The following ZIM3 variants were observed in gnomAD, a reference collection of about 807,000 sequenced individuals.
The protein encoded by ZIM3 is zinc finger imprinted 3.
In ZIM3, 11 loss-of-function variants were observed where a neutral mutation model predicts 12.9. The ratio of observed to expected loss-of-function variants is 0.85; its 90% CI spans 0.54 to 1.41. The LOEUF (loss-of-function observed/expected upper bound fraction) is 1.41. ZIM3 is among the 40% of genes most tolerant of loss of function. The pLI is 0.00. For missense variants in ZIM3, 604 were observed against 557.2 expected (o/e 1.08, Z -0.85); for synonymous variants, 205 against 198.5 (o/e 1.03, Z -0.28).
intron 3 of ZIM3, 119 bp from the exon 4 acceptor site, chr19:57,137,090 G>A (rs2086890567): frequency 4.3e-6 from 4 of 922,442 alleles, no homozygotes; most frequent in Non-Finnish European, 7.0e-6. Flanking sequence ...GTGAGTGTGA[G>A]CATTTATATG....
chr19:57,136,791 G>T (rs1463169005), intron 4 of ZIM3, 82 bp downstream of exon 4: 1 of 1,174,110 alleles, frequency 8.5e-7, no homozygotes, highest in Non-Finnish European at 1.3e-6. Context: ...GTCACAGCTG[G>T]CTGCCAAACG....
Position 57,134,978 on chromosome 19 carries a change from A to G in ZIM3, c.1359T>C (p.Gly453=). 1 of 1,614,124 alleles carries G rather than the reference A, an allele frequency of 6.2e-7. No individual in the cohort carries two copies. The highest frequency in any genetic ancestry group is 8.5e-7 in the Non-Finnish European group (1 of 1,180,022). Residue 453 remains glycine, a synonymous_variant, in exon 5 of 5, where the codon GGT becomes GGC. Transcript: ENST00000269834. ...GGTATGACCTGTCAGCGAAGGCTTT[A>G]CCGCATTCAGAACATCCATAAGGTT... is the stretch of plus-strand genomic sequence containing the variant. ...GQKPYGCSEC[G]KAFADRSYLV...
chr19:57,144,211 C>A (rs1367149808), intron 1 of ZIM3, among the ~76,000 whole-genome samples: 1 of 151,964 alleles, frequency 6.6e-6, no homozygotes, highest in Non-Finnish European at 1.5e-5. Context: ...GCTACCACAT[C>A]AGCTAACTTT....
Position 57,134,743 on chromosome 19 carries a change from T to C in ZIM3, c.*175A>G. ...AAGGCATCTAATAAATATTTATACT[T>C]AATAAACATTTGCTGAGTGAGTATG... On this transcript the variant is annotated 3_prime_UTR_variant, in exon 5 of 5. Coordinates refer to ENST00000269834, the MANE Select transcript of ZIM3 (RefSeq NM_052882.1). 6.5e-6 allele frequency: 4 copies of C among 619,336 alleles called. No homozygotes were observed. The South Asian group carries it at 9.2e-5, about 14-fold the overall frequency. The allele number at this position is 619,336 out of a possible 1,614,324, so 38.4% of individuals were successfully genotyped here. A position where few individuals can be genotyped will look rare whatever the true frequency, so the allele number is the denominator to read the frequency against.
chr19:57,139,346 GAAAAAGAAAA>G (rs2086903617), intron 2 of ZIM3, among the ~76,000 whole-genome samples: 1 of 151,168 alleles, frequency 6.6e-6, no homozygotes, highest in Non-Finnish European at 1.5e-5. Context: ...AAAAGAAAAA[GAAAAAGAAAA>G]GAAAAGAAAA....
rs752399473 is a variant in ZIM3, at chr19:57,145,080, G to A, written c.-264C>T. 1.3e-5 allele frequency: 2 copies of A among 152,060 alleles called. No individual in the cohort carries two copies. Among genetic ancestry groups the A allele is most frequent in the Non-Finnish European group, 2.9e-5 (2 of 68,014 alleles). The allele number at this position is 152,060 out of a possible 1,614,324, so 9.4% of individuals were successfully genotyped here. On this transcript the variant is annotated 5_prime_UTR_variant, in exon 1 of 5. Transcript: ENST00000269834. ...TCAAAAGCCCCACCTGATCCTATCAGGCCACATCAAAATTTCAATTCCCAA... is the reference window on the plus strand; with the variant it reads ...TCAAAAGCCCCACCTGATCCTATCAAGCCACATCAAAATTTCAATTCCCAA...
rs147439762 is a variant in ZIM3, at chr19:57,138,556, C to T, written c.58G>A (p.Gly20Arg). The change falls in exon 3 of 5, where the codon GGG becomes AGG. Residue 20 changes from glycine to arginine, a missense_variant. Coordinates refer to ENST00000269834, the MANE Select transcript of ZIM3 (RefSeq NM_052882.1). The stretch of plus-strand genomic sequence containing the variant: ...TCGGGATTCAGCCGCTGCCACTCCC[C>T]CTGGGTGAAGTTCACAGTGACATCC... Reference protein sequence around the residue: ...FEDVTVNFTQGEWQRLNPEQR... With the variant: ...FEDVTVNFTQREWQRLNPEQR... 2 of 1,614,156 alleles carry T rather than the reference C, an allele frequency of 1.2e-6. No individual in the cohort carries two copies. Among genetic ancestry groups the T allele is most frequent in the African/African-American group, 2.7e-5 (2 of 75,050 alleles).
rs2086877586 is a variant in ZIM3, at chr19:57,134,851, A to G, written c.*67T>C. 2.7e-6 allele frequency: 4 copies of G among 1,488,892 alleles called. No individual in the cohort carries two copies. Among genetic ancestry groups the G allele is most frequent in the Non-Finnish European group, 1.8e-6 (2 of 1,105,324 alleles). 92.2% of individuals were successfully genotyped at this position (1,488,892 alleles called of 1,614,324 possible). ...CCTCCAAATTAGAGGCCATTTCAACATGGAATTCTGGGGTGACAATTCCAG... is the reference window on the plus strand; with the variant it reads ...CCTCCAAATTAGAGGCCATTTCAACGTGGAATTCTGGGGTGACAATTCCAG... On this transcript the variant is annotated 3_prime_UTR_variant, in exon 5 of 5. Transcript: ENST00000269834.
In ZIM3 at chr19:57,136,028, T is replaced by G; in HGVS notation, c.309A>C (p.Glu103Asp). 6.2e-7 allele frequency: 1 copy of G among 1,614,202 alleles called. No homozygotes were observed. The highest frequency in any genetic ancestry group is 2.2e-5 in the East Asian group (1 of 44,870). ...GCGTTTCCTTATTGATTGATGGGACTTCTCTTGCGAGACTCTCTTTCACAT... is the reference window on the plus strand; with the variant it reads ...GCGTTTCCTTATTGATTGATGGGACGTCTCTTGCGAGACTCTCTTTCACAT... ...PKDVKESLAR[E>D]VPSINKETLT... Residue 103 changes from glutamate (E) to aspartate (D), a missense_variant, in exon 5 of 5, where the codon GAA (glutamate) becomes GAC (aspartate). Coordinates refer to ENST00000269834, the MANE Select transcript of ZIM3 (RefSeq NM_052882.1).
rs539676216 is a variant in ZIM3, at chr19:57,134,630, A to G, written c.*288T>C. ...TTTAAAGATATGGATACCACTGGTC[A>G]TTATTCACTGGAATAAAACTCCATC... On this transcript the variant is annotated 3_prime_UTR_variant, in exon 5 of 5. Transcript: ENST00000269834. 2.0e-5 allele frequency: 7 copies of G among 345,116 alleles called. No individual in the cohort carries two copies. The highest frequency in any genetic ancestry group is 3.7e-5 in the Non-Finnish European group (7 of 190,172). 21.4% of individuals were successfully genotyped at this position (345,116 alleles called of 1,614,324 possible).
In ZIM3 at chr19:57,138,054, A is replaced by AAAGAAGGAAGGAAGGAAG. The variant is rs2086897191; in HGVS notation, c.142+417_142+418insCTTCCTTCCTTCCTTCTT. Among the ~76,000 whole-genome samples, 7 of 45,766 alleles carry AAAGAAGGAAGGAAGGAAG rather than the reference A, an allele frequency of 1.5e-4. 1 individual carries two copies. The highest frequency in any genetic ancestry group is 8.9e-4 in the African/African-American group (6 of 6,718). The allele number at this position is 45,766 out of a possible 152,430, so 30.0% of individuals were successfully genotyped here. ...AGGAAAGAAGGAAGGAAGGAAGGAA[A>AAAGAAGGAAGGAAGGAAG]GAAGGAAGGAAGGAAGGAAGGAAAG... is the stretch of plus-strand genomic sequence containing the variant. On this transcript the variant is annotated intron_variant, in intron 3 of 4. Coordinates refer to ENST00000269834, the MANE Select transcript of ZIM3 (RefSeq NM_052882.1).
intron 1 of ZIM3, 60 bp from the exon 2 acceptor site, chr19:57,142,745 A>T: frequency 3.7e-6 from 5 of 1,367,416 alleles, no homozygotes; most frequent in Non-Finnish European, 4.1e-6. Flanking sequence ...GTTGGGGATC[A>T]TCCAGCATAG....
At chr19:57,142,707 C>T (rs962714410) in intron 1 of ZIM3, 22 bp from the exon 2 acceptor site, 2 of 1,580,238 alleles carry the variant, frequency 1.3e-6, no homozygotes, top group African/African-American at 1.4e-5. Context: ...TGGAAAAGAA[C>T]CATGAAATAG....
Position 57,142,610 on chromosome 19 carries a change from A to G in ZIM3, c.15+19T>C, listed in dbSNP as rs1321547058. The stretch of plus-strand genomic sequence containing the variant: ...TACGTTTATTCATTATGAGATTTAG[A>G]TTTTTTTGAAAAGCTCACCTGGGAA... On this transcript the variant is annotated intron_variant, in intron 2 of 4. Coordinates refer to ENST00000269834, the MANE Select transcript of ZIM3 (RefSeq NM_052882.1). 6.2e-7 allele frequency: 1 copy of G among 1,613,242 alleles called. No homozygotes were observed. The highest frequency in any genetic ancestry group is 1.6e-4 in the Middle Eastern group (1 of 6,080).
Position 57,138,605 on chromosome 19 carries a change from C to G in ZIM3, c.16-7G>C, listed in dbSNP as rs1462500847. 1.2e-6 allele frequency: 2 copies of G among 1,613,954 alleles called. No individual in the cohort carries two copies. Among genetic ancestry groups the G allele is most frequent in the East Asian group, 2.2e-5 (1 of 44,898 alleles). On this transcript the variant is annotated splice_region_variant and splice_polypyrimidine_tract_variant and intron_variant, in intron 2 of 4. Transcript: ENST00000269834. ...CCTCGAAGGTCACTCTTCCCTGTAA[C>G]AACAGATTCCCGATCAGTATAAAAA...
intron 2 of ZIM3, among the ~76,000 whole-genome samples, chr19:57,141,840 C>T (rs954497811): frequency 2.2e-5 from 3 of 137,462 alleles, no homozygotes; most frequent in African/African-American, 5.0e-5. Context: ...GGTGACACAG[C>T]GAGACTCCCT....
chr19:57,138,307 T>C (rs1356686846), intron 3 of ZIM3, among the ~76,000 whole-genome samples, 165 bp downstream of exon 3: 1 of 152,182 alleles, frequency 6.6e-6, no homozygotes, highest in Non-Finnish European at 1.5e-5. Context: ...GCTCCTTCAA[T>C]ACAGCACTTG....
chr19:57,135,925 G>T lies in ZIM3; in HGVS notation c.412C>A (p.Gln138Lys). 1 of 1,614,074 alleles carries T rather than the reference G, an allele frequency of 6.2e-7. No individual in the cohort carries two copies. Among genetic ancestry groups the T allele is most frequent in the Non-Finnish European group, 8.5e-7 (1 of 1,180,028 alleles). Reference sequence around the variant, plus strand: ...TGAGAATTATTTTGTACATAGTGTTGCAAGGAAGATACATCATCTATGCCC... The same window carrying T: ...TGAGAATTATTTTGTACATAGTGTTTCAAGGAAGATACATCATCTATGCCC... ...PLGIDDVSSL[Q>K]HYVQNNSHDD... is the part of the protein sequence containing the mutation. The change falls in exon 5 of 5, where the codon CAA becomes AAA. Residue 138 changes from glutamine (Q) to lysine (K), a missense_variant. Coordinates refer to ENST00000269834, the MANE Select transcript of ZIM3 (RefSeq NM_052882.1).
chr19:57,142,811 T>A (rs2086919474), intron 1 of ZIM3, 126 bp from the exon 2 acceptor site: 2 of 673,560 alleles, frequency 3.0e-6, no homozygotes, highest in Non-Finnish European at 5.0e-6. Flanking sequence ...AAGCCCTGAC[T>A]TGTACCTCAG....
Sources: allele counts gnomAD v4.1 joint callset (sites outside exome capture counted in the v4.1 genomes callset), GRCh38; gene constraint gnomAD v4.1.1; transcripts MANE v1.5; gene names NCBI Gene and HGNC (gene_info 2026-07-23, HGNC 2026-07-21).